SEMA3D: variants seen among roughly 807,000 people sequenced by gnomAD.
The protein encoded by SEMA3D is semaphorin-3D.
SEMA3D carries 84 observed loss-of-function variants against 100.1 expected under a neutral mutation model. That is an observed-to-expected ratio of 0.84 (90% CI 0.70 to 1.01). SEMA3D has a LOEUF of 1.01. SEMA3D is among the 50% of genes least tolerant of loss of function. The pLI, the probability that SEMA3D is intolerant of heterozygous loss-of-function variation, is 0.00. For synonymous variants in SEMA3D, 312 were observed against 320.7 expected (o/e 0.97, Z 0.29); for missense variants, 875 against 934.1 (o/e 0.94, Z 0.82).
intron 2 of SEMA3D, among the ~76,000 whole-genome samples, chr7:85,126,148 T>G (rs1325225418): frequency 6.6e-6 from 1 of 152,078 alleles, no homozygotes; most frequent in Non-Finnish European, 1.5e-5. Context: ...AGTCCAGAAC[T>G]TACTAGATGG....
At chr7:85,202,401 T>C in the SEMA3D span, among the ~76,000 whole-genome samples, 1 of 152,018 alleles carries the variant, frequency 6.6e-6, no homozygotes, top group Non-Finnish European at 1.5e-5. Context: ...TCATTTTTTA[T>C]GGCTGCATAG....
intron 12 of SEMA3D, among the ~76,000 whole-genome samples, chr7:85,030,343 A>G (rs928781858): frequency 6.6e-5 from 10 of 152,018 alleles, no homozygotes; most frequent in African/African-American, 2.4e-4. Flanking sequence ...TTTAAAAAGT[A>G]CCTATAACTA....
chr7:85,094,273 C>T (rs1439380961), intron 4 of SEMA3D, among the ~76,000 whole-genome samples: 1 of 151,848 alleles, frequency 6.6e-6, no homozygotes, highest in Non-Finnish European at 1.5e-5. Context: ...ATTCAAGTTC[C>T]TAAGAAAAAC....
intron 1 of SEMA3D, chr7:85,163,220 T>C (rs1790797100): frequency 6.6e-6 from 1 of 152,404 alleles, no homozygotes; most frequent in Non-Finnish European, 1.5e-5. Flanking sequence ...CATTCTATCT[T>C]GACAGCTTAG....
At chr7:85,162,632 G>A (rs1193797848) in intron 1 of SEMA3D, among the ~76,000 whole-genome samples, 2 of 152,132 alleles carry the variant, frequency 1.3e-5, no homozygotes, top group Non-Finnish European at 2.9e-5. Flanking sequence ...AGATGCAGTG[G>A]AGTGGAGCAG....
At chr7:85,093,242 G>A (rs921172873) in intron 4 of SEMA3D, among the ~76,000 whole-genome samples, 1 of 151,902 alleles carries the variant, frequency 6.6e-6, no homozygotes, top group Non-Finnish European at 1.5e-5. Flanking sequence ...CCTTCAACTT[G>A]AGGTGACTGA....
intron 10 of SEMA3D, chr7:85,041,725 C>T (rs561719458): frequency 9.3e-4 from 144 of 154,998 alleles, no homozygotes; most frequent in African/African-American, 3.3e-3. Flanking sequence ...AAGAAGCTGT[C>T]TACTGCTTCT....
intron 18 of SEMA3D, among the ~76,000 whole-genome samples, chr7:85,002,435 C>A (rs1407291179): frequency 2.0e-5 from 3 of 152,106 alleles, no homozygotes; most frequent in Admixed American, 6.6e-5. Context: ...AGAATTTTTG[C>A]AATTTAGAGA....
At chr7:85,181,791 CT>C in intron 1 of SEMA3D, 2 of 980,142 alleles carry the variant, frequency 2.0e-6, no homozygotes, top group Non-Finnish European at 2.4e-6. Context: ...GATTAGCATG[CT>C]AGTTAAAGAT....
intron 5 of SEMA3D, among the ~76,000 whole-genome samples, chr7:85,079,979 C>A (rs1188511499): frequency 6.6e-6 from 1 of 152,158 alleles, no homozygotes; most frequent in African/African-American, 2.4e-5. Context: ...GAGAAGAATA[C>A]ATTACAGAAT....
At chr7:85,133,488 TA>T (rs1199915048) in intron 2 of SEMA3D, among the ~76,000 whole-genome samples, 2 of 152,018 alleles carry the variant, frequency 1.3e-5, no homozygotes, top group Non-Finnish European at 1.5e-5. Context: ...CACGATGTTC[TA>T]AAACTAGCGC....
chr7:85,153,528 G>A (rs988952582), intron 2 of SEMA3D, 80 bp downstream of exon 2: 1 of 148,290 alleles, frequency 6.7e-6, no homozygotes, highest in African/African-American at 2.5e-5. Context: ...ACAAGTAGGA[G>A]AAATGCATCT....
chr7:85,057,254 T>G (rs1791346984), intron 8 of SEMA3D, among the ~76,000 whole-genome samples: 1 of 152,136 alleles, frequency 6.6e-6, no homozygotes, highest in Non-Finnish European at 1.5e-5. Flanking sequence ...AGTCTTGGTT[T>G]TAAATAATTG....
chr7:85,014,999 A>G, intron 16 of SEMA3D, 60 bp downstream of exon 16: 1 of 1,279,742 alleles, frequency 7.8e-7, no homozygotes, highest in Admixed American at 1.8e-5. Flanking sequence ...ACAAAGCATT[A>G]ATGTGAGATA....
At chr7:85,055,618 T>C (rs1791284762) in intron 9 of SEMA3D, 99 bp downstream of exon 9, 1 of 222,336 alleles carries the variant, frequency 4.5e-6, no homozygotes, top group Non-Finnish European at 7.8e-6. Flanking sequence ...AACTTTGGCT[T>C]AAACCTTGCC....
chr7:85,008,939 G>A (rs943515241), intron 17 of SEMA3D, among the ~76,000 whole-genome samples: 8 of 151,572 alleles, frequency 5.3e-5, no homozygotes, highest in African/African-American at 1.7e-4. Context: ...AATAAATTTT[G>A]TGTTCAGATT....
At chr7:85,086,820 G>C (rs948725761) in intron 4 of SEMA3D, among the ~76,000 whole-genome samples, 1 of 152,082 alleles carries the variant, frequency 6.6e-6, no homozygotes, top group Non-Finnish European at 1.5e-5. Flanking sequence ...TGTTGTACAA[G>C]AGCCCAAGAG....
chr7:85,125,632 A>G lies in SEMA3D; in HGVS notation c.-40-3701T>C, dbSNP rs544876460. ...TTTATATATTTTTCTACTATAAAAC[A>G]GTCAAGACCTACAATCTACTGGTCC... On this transcript the variant is annotated intron_variant, in intron 2 of 18. Coordinates refer to ENST00000284136, the MANE Select transcript of SEMA3D (RefSeq NM_001384900.1). Among the ~76,000 whole-genome samples, 3 of 152,258 alleles carry G rather than the reference A, an allele frequency of 2.0e-5. No homozygotes were observed. The East Asian group carries it at 5.8e-4, about 29-fold the overall frequency.
At chr7:85,147,092 CTTTT>C (rs752922884) in intron 2 of SEMA3D, among the ~76,000 whole-genome samples, 7 of 48,150 alleles carry the variant, frequency 1.5e-4, no homozygotes, top group South Asian at 7.3e-4. Context: ...TTTTTCTTTT[CTTTT>C]TTTTTTTTTT....
Sources: gnomAD v4.1 joint callset for allele counts (sites outside exome capture counted in the v4.1 genomes callset) on GRCh38, gnomAD v4.1.1 for gene constraint, MANE v1.5 for transcripts, NCBI Gene and HGNC (gene_info 2026-07-23, HGNC 2026-07-21) for gene names.